ARMC8: variants seen among roughly 807,000 people sequenced by gnomAD.
ARMC8 encodes the protein armadillo repeat containing 8.
Under a neutral mutation model 99.3 loss-of-function variants are expected in ARMC8, and 20 were observed. The ratio of observed to expected loss-of-function variants is 0.20; its 90% CI spans 0.14 to 0.29. The LOEUF (loss-of-function observed/expected upper bound fraction) is 0.29, where lower values mean the gene tolerates loss of function less well. Ranked by LOEUF, ARMC8 falls within the 10% of genes least tolerant of loss-of-function variation. The pLI is 1.00. For missense variants in ARMC8, 569 were observed against 809.5 expected (o/e 0.70, Z 3.60); for synonymous variants, 263 against 278.3 (o/e 0.95, Z 0.55).
chr3:138,216,988 A>G (rs556582401), intron 2 of ARMC8, among the ~76,000 whole-genome samples: 1 of 152,224 alleles, frequency 6.6e-6, no homozygotes, highest in Non-Finnish European at 1.5e-5. Flanking sequence ...ATGTTTAGCT[A>G]CACATTACCT....
intron 1 of ARMC8, among the ~76,000 whole-genome samples, chr3:138,195,973 G>GT (rs1055351726): frequency 3.2e-4 from 49 of 152,134 alleles, no homozygotes; most frequent in African/African-American, 1.1e-3. Context: ...TGATGAAACA[G>GT]TGTAAGGCTT....
intron 10 of ARMC8, 91 bp from the exon 11 acceptor site, chr3:138,241,692 C>A: frequency 1.9e-6 from 2 of 1,071,698 alleles, no homozygotes; most frequent in African/African-American, 1.6e-5. Flanking sequence ...AAACATTACT[C>A]CTGATAAAAG....
At chr3:138,292,158 C>T (rs552039879) in intron 21 of ARMC8, among the ~76,000 whole-genome samples, 1 of 152,184 alleles carries the variant, frequency 6.6e-6, no homozygotes, top group Non-Finnish European at 1.5e-5. Flanking sequence ...CTGCCTCAGC[C>T]TCCCAGGTAG....
In ARMC8 at chr3:138,293,014, C is replaced by T. The variant is rs141755679; in HGVS notation, c.1988+2375C>T. Reference sequence around the variant, plus strand: ...CAGGTTGCTATGTCCTCCAAAAAGCCTTGCCTGACCCACTCTCCACCCTCC... The same window carrying T: ...CAGGTTGCTATGTCCTCCAAAAAGCTTTGCCTGACCCACTCTCCACCCTCC... On this transcript the variant is annotated intron_variant, in intron 21 of 21. Transcript: ENST00000469044. Among the ~76,000 whole-genome samples, 53 of 152,278 alleles carry T rather than the reference C, an allele frequency of 3.5e-4. No individual in the cohort carries two copies. In the East Asian group the frequency reaches 0.01, roughly 29 times the overall value.
chr3:138,241,011 T>C (rs1252569737), intron 10 of ARMC8, among the ~76,000 whole-genome samples: 1 of 152,036 alleles, frequency 6.6e-6, no homozygotes, highest in Non-Finnish European at 1.5e-5. Flanking sequence ...GATCGTGCCA[T>C]TGCACTCCAG....
intron 1 of ARMC8, among the ~76,000 whole-genome samples, chr3:138,193,993 A>G (rs1473994104): frequency 6.6e-6 from 1 of 151,356 alleles, no homozygotes; most frequent in Non-Finnish European, 1.5e-5. Flanking sequence ...ACAGCTGGGC[A>G]CTTGTTGATT....
At chr3:138,245,034 A>G in intron 11 of ARMC8, 54 bp from the exon 12 acceptor site, 2 of 1,575,026 alleles carry the variant, frequency 1.3e-6, no homozygotes, top group Non-Finnish European at 1.7e-6. Context: ...AGTTAATGTT[A>G]TTGAAAGTTG....
chr3:138,196,867 CA>C (rs1039729058), intron 1 of ARMC8, among the ~76,000 whole-genome samples: 1 of 151,836 alleles, frequency 6.6e-6, no homozygotes, highest in African/African-American at 2.4e-5. Flanking sequence ...AACTCCGTCT[CA>C]AAAAAAATTT....
chr3:138,244,712 G>GT (rs2046801229), intron 11 of ARMC8, among the ~76,000 whole-genome samples: 1 of 152,230 alleles, frequency 6.6e-6, no homozygotes, highest in African/African-American at 2.4e-5. Context: ...GAGAAGTCCA[G>GT]GTGTGCCTTC....
intron 18 of ARMC8, among the ~76,000 whole-genome samples, 200 bp downstream of exon 18, chr3:138,274,744 C>T (rs1056291025): frequency 8.5e-5 from 13 of 152,176 alleles, no homozygotes; most frequent in African/African-American, 2.4e-5. Context: ...ACATGACCAG[C>T]GTCTACAGTT....
At chr3:138,292,960 G>A (rs2051111696) in intron 21 of ARMC8, among the ~76,000 whole-genome samples, 1 of 152,162 alleles carries the variant, frequency 6.6e-6, no homozygotes. Flanking sequence ...ATGCCTGGAC[G>A]GTGGCCGTTT....
intron 2 of ARMC8, among the ~76,000 whole-genome samples, chr3:138,220,979 C>T (rs573671473): frequency 3.3e-5 from 5 of 152,124 alleles, no homozygotes; most frequent in East Asian, 1.9e-4. Context: ...TGTGAGTCAC[C>T]GTGCCCGGCC....
At chr3:138,276,382 T>G (rs954737034) in intron 18 of ARMC8, among the ~76,000 whole-genome samples, 11 of 152,242 alleles carry the variant, frequency 7.2e-5, no homozygotes, top group African/African-American at 2.4e-4. Flanking sequence ...AAAACATATG[T>G]ATCACTGCCC....
At chr3:138,246,630 A>G (rs1237448018) in intron 12 of ARMC8, 45 of 985,564 alleles carry the variant, frequency 4.6e-5, no homozygotes, top group African/African-American at 7.0e-5. Context: ...CATGGACTGA[A>G]AGGTAGATAG....
chr3:138,192,771 G>A (rs1222328311), intron 1 of ARMC8, among the ~76,000 whole-genome samples: 2 of 152,048 alleles, frequency 1.3e-5, no homozygotes, highest in Non-Finnish European at 2.9e-5. Flanking sequence ...CTAAGTGTAA[G>A]CCATACTCCC....
chr3:138,202,050 AT>A (rs1355136704), intron 1 of ARMC8, among the ~76,000 whole-genome samples: 1 of 152,188 alleles, frequency 6.6e-6, no homozygotes, highest in Non-Finnish European at 1.5e-5. Flanking sequence ...TTTGAATTTC[AT>A]TTAAAATCGA....
At chr3:138,210,325 C>A (rs560826772) in intron 2 of ARMC8, among the ~76,000 whole-genome samples, 1 of 152,018 alleles carries the variant, frequency 6.6e-6, no homozygotes, top group Non-Finnish European at 1.5e-5. Flanking sequence ...TTTTAAATTT[C>A]GAATTTAGAA....
Position 138,296,176 on chromosome 3 carries a change from TTGCCTATGC to T in ARMC8, c.*288_*296del, listed in dbSNP as rs2051466649. 3.0e-6 allele frequency: 1 copy of T among 338,450 alleles called. No homozygotes were observed. Among genetic ancestry groups the T allele is most frequent in the African/African-American group, 2.1e-5 (1 of 46,650 alleles). The allele number at this position is 338,450 out of a possible 1,614,324, so 21.0% of individuals were successfully genotyped here. A position where few individuals can be genotyped will look rare whatever the true frequency, so the allele number is the denominator to read the frequency against. On this transcript the variant is annotated 3_prime_UTR_variant, in exon 22 of 22. Coordinates refer to ENST00000469044, the MANE Select transcript of ARMC8 (RefSeq NM_001363941.2). ...TCATTTTCCTTTGGACCTACAATTT[TTGCCTATGC>T]TGCAGCCACTTTGTGAGTGAGAATG... is the stretch of plus-strand genomic sequence containing the variant.
chr3:138,257,325 G>A (rs971123539), intron 12 of ARMC8, among the ~76,000 whole-genome samples: 3 of 152,122 alleles, frequency 2.0e-5, no homozygotes, highest in Admixed American at 1.3e-4. Flanking sequence ...AATGGTATGA[G>A]GATATACTCA....
Sources: gnomAD v4.1 joint callset for allele counts (sites outside exome capture counted in the v4.1 genomes callset) on GRCh38, gnomAD v4.1.1 for gene constraint, MANE v1.5 for transcripts, NCBI Gene and HGNC (gene_info 2026-07-23, HGNC 2026-07-21) for gene names.